Variants in DCC observed in about 807,000 individuals in gnomAD.
The protein encoded by DCC is DCC netrin 1 receptor, also known as netrin receptor DCC.
DCC carries 58 observed loss-of-function variants against 172.5 expected under a neutral mutation model. The observed-to-expected ratio is 0.34, with a 90% CI of 0.27 to 0.42. The LOEUF is 0.42. Among genes scored for constraint, DCC ranks in the 10% least tolerant of loss-of-function variants. DCC has a pLI of 1.00. For synonymous variants in DCC, 709 were observed against 644.5 expected, an observed-to-expected ratio of 1.10 and a Z score of -1.52; for missense variants, 1,740 against 1,791.0, an observed-to-expected ratio of 0.97 and a Z score of 0.51.
intron 7 of DCC, among the ~76,000 whole-genome samples, chr18:53,137,214 G>C (rs545462917): frequency 6.6e-6 from 1 of 152,122 alleles, no homozygotes; most frequent in Non-Finnish European, 1.5e-5. Context: ...TGAATTTGAG[G>C]TCTCCCCAGG....
At chr18:53,153,373 A>G (rs2054674659) in intron 7 of DCC, among the ~76,000 whole-genome samples, 1 of 152,154 alleles carries the variant, frequency 6.6e-6, no homozygotes, top group Non-Finnish European at 1.5e-5. Context: ...ATAAATTTAT[A>G]GGAATGAGAA....
chr18:52,815,628 T>G (rs957873986), intron 2 of DCC, among the ~76,000 whole-genome samples: 2 of 152,212 alleles, frequency 1.3e-5, no homozygotes, highest in Admixed American at 1.3e-4. Flanking sequence ...TTGCTAGTGT[T>G]TTGTTATGGC....
intron 12 of DCC, among the ~76,000 whole-genome samples, chr18:53,253,678 AAAC>A (rs1262715740): frequency 5.3e-5 from 8 of 152,082 alleles, no homozygotes; most frequent in Non-Finnish European, 1.0e-4. Flanking sequence ...TTTAAATGGA[AAAC>A]AACATGAGCT....
At chr18:53,168,246 T>C (rs572408882) in intron 8 of DCC, among the ~76,000 whole-genome samples, 2 of 152,182 alleles carry the variant, frequency 1.3e-5, no homozygotes, top group East Asian at 3.9e-4. Flanking sequence ...ATCATTCTAC[T>C]ATAAAGACAC....
At chr18:53,495,228 C>T (rs2144412414) in intron 26 of DCC, among the ~76,000 whole-genome samples, 1 of 152,070 alleles carries the variant, frequency 6.6e-6, no homozygotes, top group South Asian at 2.1e-4. Flanking sequence ...CCCATTTCTA[C>T]TAAAAATACA....
intron 1 of DCC, among the ~76,000 whole-genome samples, chr18:52,438,328 G>T (rs1467117111): frequency 6.6e-6 from 1 of 152,178 alleles, no homozygotes; most frequent in Non-Finnish European, 1.5e-5. Context: ...CTTTAATCAA[G>T]AACATCCTAA....
intron 5 of DCC, among the ~76,000 whole-genome samples, chr18:52,946,448 A>G (rs2040546744): frequency 6.6e-6 from 1 of 152,006 alleles, no homozygotes; most frequent in Non-Finnish European, 1.5e-5. Flanking sequence ...ACTACCTAAA[A>G]CTTAGCAACT....
At chr18:52,430,052 GC>G (rs772418252) in intron 1 of DCC, among the ~76,000 whole-genome samples, 23 of 152,210 alleles carry the variant, frequency 1.5e-4, no homozygotes, top group Admixed American at 9.2e-4. Flanking sequence ...TAAAGTATAT[GC>G]AAAATATTTG....
chr18:52,775,529 G>A (rs2037414365), intron 2 of DCC, among the ~76,000 whole-genome samples: 1 of 152,206 alleles, frequency 6.6e-6, no homozygotes, highest in South Asian at 2.1e-4. Context: ...TCAGCCAATG[G>A]GGGAGCCAGA....
At chr18:53,404,243 C>T (rs1909507748) in intron 19 of DCC, among the ~76,000 whole-genome samples, 1 of 147,628 alleles carries the variant, frequency 6.8e-6, no homozygotes, top group African/African-American at 2.4e-5. Flanking sequence ...TAAATAAAAA[C>T]AGGTTCTGAT....
intron 1 of DCC, among the ~76,000 whole-genome samples, chr18:52,493,303 AG>A (rs894752708): frequency 1.3e-5 from 2 of 152,070 alleles, no homozygotes; most frequent in African/African-American, 2.4e-5. Context: ...ACATGACCAG[AG>A]TCAAAGAAGT....
At chr18:52,578,574 CTTTTTAGCATCCTTTA>C (rs1192411759) in intron 1 of DCC, among the ~76,000 whole-genome samples, 1 of 152,122 alleles carries the variant, frequency 6.6e-6, no homozygotes, top group Non-Finnish European at 1.5e-5. Context: ...GTTTTGTTTT[CTTTTTAGCATCCTTTA>C]TTTTTTCACT....
chr18:52,926,834 TACACAC>T (rs143536972), intron 5 of DCC, among the ~76,000 whole-genome samples: 19 of 143,488 alleles, frequency 1.3e-4, no homozygotes, highest in East Asian at 8.6e-4. Flanking sequence ...TACATATACA[TACACAC>T]ACACACATAT....
intron 7 of DCC, among the ~76,000 whole-genome samples, chr18:53,152,444 G>C (rs932272360): frequency 2.0e-5 from 3 of 152,078 alleles, no homozygotes; most frequent in Admixed American, 2.0e-4. Context: ...TTGTTACCAA[G>C]GCTATTGCAG....
intron 5 of DCC, among the ~76,000 whole-genome samples, chr18:52,933,115 A>G (rs1253118660): frequency 6.6e-6 from 1 of 152,140 alleles, no homozygotes; most frequent in Admixed American, 6.6e-5. Context: ...GAAATTTTGA[A>G]ACATATGGCT....
intron 7 of DCC, among the ~76,000 whole-genome samples, chr18:53,126,019 G>A (rs2043551089): frequency 6.6e-6 from 1 of 152,094 alleles, no homozygotes; most frequent in Non-Finnish European, 1.5e-5. Flanking sequence ...AATTCAGGAG[G>A]AAGGAACCTC....
intron 5 of DCC, among the ~76,000 whole-genome samples, chr18:53,057,079 T>TAAAAAAAAAAAAAAAAAAAAAAAGA (rs2042417063): frequency 1.1e-5 from 1 of 89,328 alleles, no homozygotes; most frequent in African/African-American, 4.2e-5. Flanking sequence ...CTTCTAAAAG[T>TAAAAAAAAAAAAAAAAAAAAAAAGA]AAAAAAAAAA....
intron 12 of DCC, among the ~76,000 whole-genome samples, chr18:53,278,360 C>A (rs780634226): frequency 2.0e-5 from 3 of 152,016 alleles, no homozygotes; most frequent in Non-Finnish European, 4.4e-5. Context: ...ATTGACACAG[C>A]AAGGTTTTTG....
intron 1 of DCC, among the ~76,000 whole-genome samples, chr18:52,357,890 A>C (rs1338038396): frequency 1.3e-5 from 2 of 150,352 alleles, no homozygotes; most frequent in Admixed American, 6.7e-5. Flanking sequence ...GTGAGCTGAG[A>C]TCGCGCCACT....
Sources: gnomAD v4.1 joint callset for allele counts (sites outside exome capture counted in the v4.1 genomes callset) on GRCh38, gnomAD v4.1.1 for gene constraint, MANE v1.5 for transcripts, NCBI Gene and HGNC (gene_info 2026-07-23, HGNC 2026-07-21) for gene names.